The following MAPKAP1 variants were observed in gnomAD, a reference collection of about 807,000 sequenced individuals.
MAPKAP1 encodes target of rapamycin complex 2 subunit MAPKAP1.
Under a neutral mutation model 65.7 loss-of-function variants are expected in MAPKAP1, and 20 were observed. That is an observed-to-expected ratio of 0.30 (90% CI 0.21 to 0.44). MAPKAP1 has a LOEUF of 0.44. MAPKAP1 is among the 20% of genes least tolerant of loss of function. The pLI is 1.00. For missense variants in MAPKAP1, 423 were observed against 648.0 expected (o/e 0.65, Z 3.77); for synonymous variants, 222 against 244.3 (o/e 0.91, Z 0.85).
rs60166871 is a variant in MAPKAP1 at position 125,618,341 on chromosome 9, C to CAAAA, written c.499-32618_499-32615dup. Among the ~76,000 whole-genome samples the CAAAA allele has an allele frequency of 6.3e-3, 197 of 31,234 alleles. 24 individuals are homozygous for CAAAA. Among genetic ancestry groups the CAAAA allele is most frequent in the African/African-American group, 0.019 (131 of 6,986 alleles). 20.5% of individuals were successfully genotyped at this position (31,234 alleles called of 152,430 possible). A position where few individuals can be genotyped will look rare whatever the true frequency, so the allele number is the denominator to read the frequency against. ...TGGGTGACAGAGTGAGGCTCCGTCT[C>CAAAA]AAAAAAAAAAAAAAAAAAAAAAAAA... is the stretch of plus-strand genomic sequence containing the variant. On this transcript the variant is annotated intron_variant, in intron 4 of 11. Transcript: ENST00000265960.
In MAPKAP1 at chr9:125,583,238, A is replaced by C. The variant is rs543848013; in HGVS notation, c.671+2317T>G. Among the ~76,000 whole-genome samples, 13 of 152,124 alleles carry C rather than the reference A, an allele frequency of 8.5e-5. No homozygotes were observed. In the East Asian group the frequency reaches 2.3e-3, roughly 27 times the overall value. On this transcript the variant is annotated intron_variant, in intron 5 of 11. Coordinates refer to ENST00000265960, the MANE Select transcript of MAPKAP1 (RefSeq NM_001006617.3). Reference sequence around the variant, plus strand: ...CCTCTGTTGGAATGCCCTCCTCTCAACCTCTCTACATGACTTTTTCCTACT... The same window carrying C: ...CCTCTGTTGGAATGCCCTCCTCTCACCCTCTCTACATGACTTTTTCCTACT...
At chr9:125,570,249 G>A (rs986462485) in intron 5 of MAPKAP1, among the ~76,000 whole-genome samples, 6 of 152,204 alleles carry the variant, frequency 3.9e-5, no homozygotes, top group Admixed American at 6.5e-5. Flanking sequence ...GGGCAAGTTA[G>A]AAAGTCCAAG....
At chr9:125,484,271 C>G (rs1854416508) in intron 9 of MAPKAP1, among the ~76,000 whole-genome samples, 172 bp downstream of exon 9, 1 of 152,174 alleles carries the variant, frequency 6.6e-6, no homozygotes, top group African/African-American at 2.4e-5. Flanking sequence ...CAAGACAGAG[C>G]ACTCAAGTGG....
At chr9:125,598,055 A>G (rs1192561809) in intron 4 of MAPKAP1, among the ~76,000 whole-genome samples, 1 of 151,964 alleles carries the variant, frequency 6.6e-6, no homozygotes, top group Non-Finnish European at 1.5e-5. Context: ...ATGGGAAGTA[A>G]AGAGGGTCGA....
chr9:125,664,277 G>A (rs1834271855), intron 3 of MAPKAP1, among the ~76,000 whole-genome samples: 1 of 151,570 alleles, frequency 6.6e-6, no homozygotes, highest in African/African-American at 2.4e-5. Context: ...AACCTTGGAG[G>A]CAAAGGTTGC....
At chr9:125,538,589 T>C (rs916360887) in intron 7 of MAPKAP1, among the ~76,000 whole-genome samples, 19 of 152,166 alleles carry the variant, frequency 1.2e-4, no homozygotes, top group African/African-American at 4.1e-4. Context: ...ATCTGAAATG[T>C]TCTTTTTACA....
chr9:125,622,250 G>A (rs898263256), intron 4 of MAPKAP1, among the ~76,000 whole-genome samples: 4 of 152,022 alleles, frequency 2.6e-5, no homozygotes, highest in African/African-American at 9.7e-5. Context: ...ATAATTTATT[G>A]CATAAATGTC....
intron 1 of MAPKAP1, among the ~76,000 whole-genome samples, chr9:125,687,929 C>T (rs1835032980): frequency 1.3e-5 from 2 of 152,326 alleles, no homozygotes; most frequent in Non-Finnish European, 2.9e-5. Context: ...ATTAATTCAA[C>T]TCCTGATGAA....
intron 2 of MAPKAP1, among the ~76,000 whole-genome samples, chr9:125,671,639 C>CA (rs1186483076): frequency 2.6e-5 from 4 of 151,420 alleles, no homozygotes; most frequent in African/African-American, 7.3e-5. Context: ...ACAAGGCCAC[C>CA]AAAAAAATAT....
chr9:125,701,648 C>T (rs1380856258), intron 1 of MAPKAP1, among the ~76,000 whole-genome samples: 2 of 152,190 alleles, frequency 1.3e-5, no homozygotes, highest in Non-Finnish European at 2.9e-5. Context: ...CTTTGTAATA[C>T]TACCTATCTC....
intron 6 of MAPKAP1, among the ~76,000 whole-genome samples, chr9:125,551,181 C>T (rs1196777409): frequency 6.6e-6 from 1 of 151,992 alleles, no homozygotes; most frequent in Non-Finnish European, 1.5e-5. Context: ...TCTCCCTGCC[C>T]TCCTCTTTTT....
intron 1 of MAPKAP1, among the ~76,000 whole-genome samples, chr9:125,687,117 T>C (rs972633533): frequency 6.0e-5 from 9 of 148,896 alleles, no homozygotes; most frequent in Admixed American, 5.4e-4. Flanking sequence ...TGAGCCACCA[T>C]GCCCATCTTT....
intron 4 of MAPKAP1, among the ~76,000 whole-genome samples, chr9:125,613,461 G>A (rs1832659512): frequency 6.6e-6 from 1 of 152,106 alleles, no homozygotes; most frequent in African/African-American, 2.4e-5. Context: ...AATGTAAGAG[G>A]CCTGACCCCC....
chr9:125,594,903 C>T (rs1162337555), intron 4 of MAPKAP1, among the ~76,000 whole-genome samples: 2 of 152,194 alleles, frequency 1.3e-5, no homozygotes, highest in African/African-American at 4.8e-5. Flanking sequence ...ACCTTTTCTA[C>T]TTCCCAGCCC....
intron 5 of MAPKAP1, among the ~76,000 whole-genome samples, chr9:125,566,371 C>G (rs528594422): frequency 6.6e-6 from 1 of 152,068 alleles, no homozygotes; most frequent in African/African-American, 2.4e-5. Context: ...TTGAGACTAG[C>G]CTGGGCAACA....
At chr9:125,611,056 T>C (rs540802919) in intron 4 of MAPKAP1, among the ~76,000 whole-genome samples, 1 of 152,316 alleles carries the variant, frequency 6.6e-6, no homozygotes, top group East Asian at 1.9e-4. Flanking sequence ...TGTGATATAT[T>C]ATGGTTGAGT....
At chr9:125,520,059 G>A (rs1829576353) in intron 7 of MAPKAP1, among the ~76,000 whole-genome samples, 1 of 152,178 alleles carries the variant, frequency 6.6e-6, no homozygotes, top group South Asian at 2.1e-4. Flanking sequence ...CAGACTCCTT[G>A]GGTGTGAAGT....
intron 10 of MAPKAP1, among the ~76,000 whole-genome samples, chr9:125,458,146 T>G (rs1451740515): frequency 6.6e-6 from 1 of 152,150 alleles, no homozygotes; most frequent in Admixed American, 6.5e-5. Flanking sequence ...TTTTGTTCAG[T>G]TTTCTCATCA....
At chr9:125,535,190 C>A (rs1830039217) in intron 7 of MAPKAP1, among the ~76,000 whole-genome samples, 1 of 152,192 alleles carries the variant, frequency 6.6e-6, no homozygotes, top group South Asian at 2.1e-4. Flanking sequence ...GTGACTACAT[C>A]TCAAAACATG....
Sources: gnomAD v4.1 joint callset for allele counts (sites outside exome capture counted in the v4.1 genomes callset) on GRCh38, gnomAD v4.1.1 for gene constraint, MANE v1.5 for transcripts, NCBI Gene and HGNC (gene_info 2026-07-23, HGNC 2026-07-21) for gene names.